Variants in ARHGAP26 observed in about 807,000 individuals in gnomAD.
ARHGAP26 encodes the protein rho GTPase-activating protein 26.
Under a neutral mutation model 104.8 loss-of-function variants are expected in ARHGAP26, and 38 were observed. The observed-to-expected ratio is 0.36, with a 90% CI of 0.28 to 0.48. The LOEUF is 0.48. ARHGAP26 is among the 20% of genes least tolerant of loss of function. The pLI is 0.99. For missense variants in ARHGAP26, 704 were observed against 947.9 expected, an observed-to-expected ratio of 0.74 and a Z score of 3.38; for synonymous variants, 341 against 340.0, an observed-to-expected ratio of 1.00 and a Z score of -0.03.
chr5:143,154,167 A>AAAAAAT (rs1800187427), intron 20 of ARHGAP26, among the ~76,000 whole-genome samples: 1 of 151,916 alleles, frequency 6.6e-6, no homozygotes, highest in African/African-American at 2.4e-5. Flanking sequence ...TATTAAAAAA[A>AAAAAAT]AAAAAAGAGT....
intron 12 of ARHGAP26, among the ~76,000 whole-genome samples, chr5:143,028,295 C>G (rs1481962753): frequency 6.6e-6 from 1 of 152,160 alleles, no homozygotes; most frequent in Non-Finnish European, 1.5e-5. Flanking sequence ...TAACGTGAGT[C>G]TGGCTTTCCT....
intron 20 of ARHGAP26, among the ~76,000 whole-genome samples, chr5:143,148,598 G>A (rs1162197330): frequency 6.6e-6 from 1 of 152,154 alleles, no homozygotes; most frequent in Non-Finnish European, 1.5e-5. Context: ...TAAATCACAT[G>A]TTCCTTCACC....
chr5:142,877,984 C>T (rs576277261), intron 3 of ARHGAP26, among the ~76,000 whole-genome samples: 72 of 152,302 alleles, frequency 4.7e-4, no homozygotes, highest in Non-Finnish European at 9.0e-4. Context: ...ATTAACACCG[C>T]AACACTCTAG....
At chr5:143,012,542 TACATAC>T (rs1268644838) in intron 11 of ARHGAP26, among the ~76,000 whole-genome samples, 2 of 46,444 alleles carry the variant, frequency 4.3e-5, no homozygotes, top group Non-Finnish European at 1.2e-4. Context: ...TATATTTATA[TACATAC>T]ATACATATAT....
intron 11 of ARHGAP26, among the ~76,000 whole-genome samples, chr5:142,939,678 T>C (rs76600861): frequency 0.039 from 5,868 of 152,314 alleles, 122 homozygotes; most frequent in Middle Eastern, 0.058. Flanking sequence ...TGGTTAAGAA[T>C]GTGCACTCAC....
chr5:143,155,500 T>C (rs1356882982), intron 20 of ARHGAP26, among the ~76,000 whole-genome samples: 1 of 152,182 alleles, frequency 6.6e-6, no homozygotes, highest in South Asian at 2.1e-4. Flanking sequence ...ATGTGTTGGT[T>C]ATTAGTGGTG....
intron 17 of ARHGAP26, among the ~76,000 whole-genome samples, chr5:143,086,858 A>G (rs1159366473): frequency 6.6e-6 from 1 of 152,130 alleles, no homozygotes; most frequent in Non-Finnish European, 1.5e-5. Flanking sequence ...TTCTTCCAGC[A>G]CTCAGATATC....
At chr5:143,182,458 T>C (rs1804523441) in intron 20 of ARHGAP26, among the ~76,000 whole-genome samples, 1 of 152,244 alleles carries the variant, frequency 6.6e-6, no homozygotes, top group African/African-American at 2.4e-5. Context: ...CTGTCTTGTG[T>C]ATCACAGGAT....
chr5:142,949,202 A>AGGGGAGAG (rs1445451552), intron 11 of ARHGAP26, among the ~76,000 whole-genome samples: 8 of 21,482 alleles, frequency 3.7e-4, no homozygotes, highest in Non-Finnish European at 4.6e-4. Flanking sequence ...AGAGAGAGAG[A>AGGGGAGAG]GAGAGAGAGA....
chr5:142,990,840 G>A (rs947835452), intron 11 of ARHGAP26, among the ~76,000 whole-genome samples: 2 of 152,112 alleles, frequency 1.3e-5, no homozygotes, highest in African/African-American at 4.8e-5. Flanking sequence ...TCTCAGAGGG[G>A]CATCTGGCTG....
At chr5:143,095,721 C>T (rs1433659451) in intron 17 of ARHGAP26, among the ~76,000 whole-genome samples, 1 of 152,102 alleles carries the variant, frequency 6.6e-6, no homozygotes, top group African/African-American at 2.4e-5. Context: ...TACAGGCACC[C>T]GCCACCATGC....
At chr5:143,214,123 G>C in intron 22 of ARHGAP26, 35 bp downstream of exon 22, 1 of 333,820 alleles carries the variant, frequency 3.0e-6, no homozygotes, top group East Asian at 6.9e-5. Context: ...GATATGGGCG[G>C]GGGGCGGGGG....
chr5:142,897,503 A>G (rs1562038177), intron 6 of ARHGAP26, among the ~76,000 whole-genome samples: 1 of 152,226 alleles, frequency 6.6e-6, no homozygotes, highest in African/African-American at 2.4e-5. Flanking sequence ...AGTGATTCTC[A>G]GTGTTAGACA....
chr5:143,133,637 C>T (rs908230943), intron 18 of ARHGAP26, among the ~76,000 whole-genome samples: 1 of 152,196 alleles, frequency 6.6e-6, no homozygotes, highest in African/African-American at 2.4e-5. Context: ...ACTTCAAGTG[C>T]TGTTAACAGA....
intron 6 of ARHGAP26, 96 bp downstream of exon 6, chr5:142,894,444 A>G: frequency 1.8e-6 from 2 of 1,130,696 alleles, no homozygotes; most frequent in Non-Finnish European, 1.3e-6. Flanking sequence ...GTTGATGAAG[A>G]GGTTGAGCAG....
intron 11 of ARHGAP26, among the ~76,000 whole-genome samples, chr5:142,949,126 G>T (rs1198118269): frequency 1.5e-5 from 2 of 134,244 alleles, no homozygotes; most frequent in Non-Finnish European, 3.1e-5. Flanking sequence ...ATTGAAGAAA[G>T]CACAGAAATG....
intron 1 of ARHGAP26, among the ~76,000 whole-genome samples, chr5:142,855,287 TG>T (rs989551347): frequency 2.0e-5 from 3 of 152,152 alleles, no homozygotes; most frequent in African/African-American, 7.2e-5. Context: ...TTCTACTAAA[TG>T]TTTACAGAGG....
At chr5:142,919,756 GGAGGCC>G (rs1259765216) in intron 10 of ARHGAP26, among the ~76,000 whole-genome samples, 2 of 152,086 alleles carry the variant, frequency 1.3e-5, no homozygotes, top group African/African-American at 4.8e-5. Flanking sequence ...CAGCATTTTG[GGAGGCC>G]GAGGCAAGTG....
chr5:142,790,454 T>A (rs1261017348), intron 1 of ARHGAP26, among the ~76,000 whole-genome samples: 5 of 152,230 alleles, frequency 3.3e-5, no homozygotes, highest in African/African-American at 1.2e-4. Context: ...ACCTTAGTGA[T>A]CTTGGTAAGA....
Sources: gnomAD v4.1 joint callset for allele counts (sites outside exome capture counted in the v4.1 genomes callset) on GRCh38, gnomAD v4.1.1 for gene constraint, MANE v1.5 for transcripts, NCBI Gene and HGNC (gene_info 2026-07-23, HGNC 2026-07-21) for gene names.